The following RNF182 variants were observed in gnomAD, a reference collection of about 807,000 sequenced individuals.
RNF182 encodes ring finger protein 182, also known as E3 ubiquitin-protein ligase RNF182.
A neutral mutation model predicts 14.4 loss-of-function variants in RNF182; 15 were observed. The ratio of observed to expected loss-of-function variants is 1.04; its 90% CI spans 0.70 to 1.60. The LOEUF (loss-of-function observed/expected upper bound fraction) is 1.60, where lower values mean the gene tolerates loss of function less well. Among genes scored for constraint, RNF182 ranks in the 40% most tolerant of loss-of-function variants. The probability of loss-of-function intolerance (pLI) is 0.00; values close to 1 mark genes in which losing one functional copy is unlikely to be tolerated. For missense variants in RNF182, 268 were observed against 294.8 expected, an observed-to-expected ratio of 0.91 and a Z score of 0.67; for synonymous variants, 128 against 122.9, an observed-to-expected ratio of 1.04 and a Z score of -0.27.
intron 1 of RNF182, among the ~76,000 whole-genome samples, chr6:13,966,089 A>G (rs562243387): frequency 2.8e-4 from 43 of 152,328 alleles, no homozygotes; most frequent in Non-Finnish European, 4.6e-4. Flanking sequence ...GTTTATACAA[A>G]AGAATAGTCT....
intron 1 of RNF182, among the ~76,000 whole-genome samples, chr6:13,928,920 G>A (rs1367483661): frequency 6.6e-6 from 1 of 152,084 alleles, no homozygotes; most frequent in Non-Finnish European, 1.5e-5. Flanking sequence ...GGAAGCTGGG[G>A]GACAGTGATG....
intron 1 of RNF182, among the ~76,000 whole-genome samples, chr6:13,945,591 TA>T (rs1320117776): frequency 2.0e-5 from 3 of 147,286 alleles, no homozygotes; most frequent in Non-Finnish European, 3.1e-5. Context: ...AAATGAACCT[TA>T]AAAAAATTTT....
Position 13,946,140 on chromosome 6 carries a change from CATTATT to C in RNF182, c.-367+21154_-367+21159del, listed in dbSNP as rs200937239. ...AATCTGTATTATCTTTAAAGCAAAA[CATTATT>C]ATTATTATTATTATTATTATTATTA... On this transcript the variant is annotated intron_variant, in intron 1 of 2. Coordinates refer to ENST00000488300, the MANE Select transcript of RNF182 (RefSeq NM_152737.4). Among the ~76,000 whole-genome samples the C allele has an allele frequency of 9.0e-3, 1,231 of 137,404 alleles. 16 individuals are homozygous for C. Among genetic ancestry groups the C allele is most frequent in the East Asian group, 0.039 (183 of 4,696 alleles). 90.1% of individuals were successfully genotyped at this position (137,404 alleles called of 152,430 possible).
At chr6:13,947,703 C>G (rs1759474916) in intron 1 of RNF182, among the ~76,000 whole-genome samples, 1 of 152,134 alleles carries the variant, frequency 6.6e-6, no homozygotes, top group African/African-American at 2.4e-5. Flanking sequence ...AGGTCAGGAG[C>G]CCTGTACAAG....
chr6:13,961,677 T>TC, intron 1 of RNF182: 1 of 152,296 alleles, frequency 6.6e-6, no homozygotes, highest in Middle Eastern at 3.4e-3. Context: ...TGGCCTCTCT[T>TC]CCAAAATTAA....
chr6:13,976,117 C>T (rs1760314939), intron 2 of RNF182, among the ~76,000 whole-genome samples: 1 of 152,188 alleles, frequency 6.6e-6, no homozygotes, highest in Non-Finnish European at 1.5e-5. Flanking sequence ...TTGAGTATTT[C>T]TTCATAGCCA....
intron 1 of RNF182, among the ~76,000 whole-genome samples, chr6:13,927,276 A>G (rs893534885): frequency 6.6e-6 from 1 of 152,220 alleles, no homozygotes; most frequent in Admixed American, 6.5e-5. Context: ...AAGAAAAAAT[A>G]CTATGATATC....
chr6:13,976,077 C>A (rs1760313699), intron 2 of RNF182, among the ~76,000 whole-genome samples: 1 of 152,158 alleles, frequency 6.6e-6, no homozygotes, highest in Admixed American at 6.5e-5. Context: ...AAAGAGTTTG[C>A]ATGAAATAAA....
intron 1 of RNF182, among the ~76,000 whole-genome samples, chr6:13,961,843 A>G: frequency 6.6e-6 from 1 of 152,148 alleles, no homozygotes; most frequent in Non-Finnish European, 1.5e-5. Context: ...CTGCCAAACA[A>G]CCATTAGGGG....
At chr6:13,960,393 G>C (rs574749386) in intron 1 of RNF182, among the ~76,000 whole-genome samples, 1 of 152,264 alleles carries the variant, frequency 6.6e-6, no homozygotes, top group South Asian at 2.1e-4. Context: ...TGTAATCCCA[G>C]CACGTTGGGA....
In RNF182 at chr6:13,941,525, A is replaced by T. The variant is rs188809231; in HGVS notation, c.-367+16502A>T. On this transcript the variant is annotated intron_variant, in intron 1 of 2. Coordinates refer to ENST00000488300, the MANE Select transcript of RNF182 (RefSeq NM_152737.4). ...TTGGAGCAGCTAATAGTTCATTTAC[A>T]TGTAAAGTACTTGATAATATAATTG... 2.2e-3 allele frequency among the ~76,000 whole-genome samples: 328 copies of T among 152,194 alleles called. 2 individuals are homozygous for T. Among genetic ancestry groups the T allele is most frequent in the Admixed American group, 0.017 (257 of 15,296 alleles).
intron 1 of RNF182, among the ~76,000 whole-genome samples, chr6:13,963,755 A>C (rs75541899): frequency 0.014 from 2,207 of 152,320 alleles, 64 homozygotes; most frequent in African/African-American, 0.05. Flanking sequence ...AATGTTGGTC[A>C]AAGCAAGTCA....
intron 1 of RNF182, among the ~76,000 whole-genome samples, chr6:13,960,692 T>TGTGTGTGTGTGTGTGCGCGC (rs367625022): frequency 2.2e-5 from 3 of 137,694 alleles, no homozygotes; most frequent in African/African-American, 7.6e-5. Flanking sequence ...TGTGTGTGTG[T>TGTGTGTGTGTGTGTGCGCGC]GCGCGCGTGC....
At position 13,979,665 on chromosome 6, in the gene RNF182, T is replaced by C. The variant is rs1339314248; in HGVS notation, c.*1802T>C. On this transcript the variant is annotated 3_prime_UTR_variant, in exon 3 of 3. Coordinates refer to ENST00000488300, the MANE Select transcript of RNF182 (RefSeq NM_152737.4). The stretch of plus-strand genomic sequence containing the variant: ...TAAATACCATGTTTAGAAGATGTTT[T>C]GTGGTTTGGATTTATATATTTGTAA... 6.0e-6 allele frequency: 1 copy of C among 166,686 alleles called. No homozygotes were observed. The highest frequency in any genetic ancestry group is 2.1e-4 in the South Asian group (1 of 4,828). The allele number at this position is 166,686 out of a possible 1,614,324, so 10.3% of individuals were successfully genotyped here. A position where few individuals can be genotyped will look rare whatever the true frequency, so the allele number is the denominator to read the frequency against.
intron 1 of RNF182, among the ~76,000 whole-genome samples, chr6:13,970,547 A>C (rs1760149600): frequency 6.6e-6 from 1 of 152,222 alleles, no homozygotes; most frequent in African/African-American, 2.4e-5. Flanking sequence ...TGCAATAAAA[A>C]TGGGGGTGCA....
chr6:13,937,871 G>A (rs1423242812), intron 1 of RNF182, among the ~76,000 whole-genome samples: 1 of 151,846 alleles, frequency 6.6e-6, no homozygotes, highest in Non-Finnish European at 1.5e-5. Flanking sequence ...TCTCATTGTA[G>A]TTTTTATTTG....
intron 1 of RNF182, chr6:13,961,599 A>T (rs997697016): frequency 1.3e-5 from 2 of 152,164 alleles, no homozygotes; most frequent in Non-Finnish European, 2.9e-5. Context: ...CTTATTCCTG[A>T]ACATTTATTG....
chr6:13,970,197 G>T (rs1241710418), intron 1 of RNF182, among the ~76,000 whole-genome samples: 1 of 152,082 alleles, frequency 6.6e-6, no homozygotes, highest in Non-Finnish European at 1.5e-5. Context: ...CATTATTGTT[G>T]CTAAGTATAG....
At chr6:13,930,118 AATATTTG>A (rs1310353256) in intron 1 of RNF182, among the ~76,000 whole-genome samples, 63 of 106,860 alleles carry the variant, frequency 5.9e-4, no homozygotes, top group African/African-American at 1.7e-3. Context: ...TATTTGGAAA[AATATTTG>A]GAAAATATTC....
Sources: gnomAD v4.1 joint callset for allele counts (sites outside exome capture counted in the v4.1 genomes callset) on GRCh38, gnomAD v4.1.1 for gene constraint, MANE v1.5 for transcripts, NCBI Gene and HGNC (gene_info 2026-07-23, HGNC 2026-07-21) for gene names.